The following ZMIZ2 variants were observed in gnomAD, a reference collection of about 807,000 sequenced individuals.
The protein encoded by ZMIZ2 is zinc finger MIZ-type containing 2, also known as zinc finger MIZ domain-containing protein 2.
Under a neutral mutation model 93.9 loss-of-function variants are expected in ZMIZ2, and 26 were observed. That is an observed-to-expected ratio of 0.28 (90% CI 0.20 to 0.38). The LOEUF (loss-of-function observed/expected upper bound fraction) is 0.38, where lower values mean the gene tolerates loss of function less well. Ranked by LOEUF, ZMIZ2 falls within the 10% of genes least tolerant of loss-of-function variation. The probability of loss-of-function intolerance (pLI) is 1.00; values close to 1 mark genes in which losing one functional copy is unlikely to be tolerated. For missense variants in ZMIZ2, 1,023 were observed against 1,235.0 expected (o/e 0.83, Z 2.57); for synonymous variants, 485 against 516.4 (o/e 0.94, Z 0.82).
At chr7:44,756,855 T>G in intron 3 of ZMIZ2, 92 bp from the exon 4 acceptor site, 15 of 1,353,632 alleles carry the variant, frequency 1.1e-5, no homozygotes, top group African/African-American at 1.5e-5. Context: ...CCCAACCCAC[T>G]TGCCAGGCCT....
Position 44,765,205 on chromosome 7 carries a change from A to C in ZMIZ2, c.1998-130A>C, listed in dbSNP as rs190551467. ...GGGCCCAGCGTCCTGCTCGATGTGGAAGGTGCTGGGTGGAAGCAAGCATTT... is the reference window on the plus strand; with the variant it reads ...GGGCCCAGCGTCCTGCTCGATGTGGCAGGTGCTGGGTGGAAGCAAGCATTT... On this transcript the variant is annotated intron_variant, in intron 15 of 18. Transcript: ENST00000309315. The surrounding 1 kb of genome is among the most constrained non-coding windows in gnomAD (Gnocchi z 4.1). 1.0e-4 allele frequency: 157 copies of C among 1,524,472 alleles called. 1 individual carries two copies. In the African/African-American group the frequency reaches 2.0e-3, roughly 19 times the overall value. The allele number at this position is 1,524,472 out of a possible 1,614,324, so 94.4% of individuals were successfully genotyped here.
rs756373951 is a variant in ZMIZ2, at chr7:44,761,945, G to A, written c.1596+40G>A. On this transcript the variant is annotated intron_variant, in intron 11 of 18. Transcript: ENST00000309315. This position sits in a 1 kb window ranked among gnomAD's most constrained non-coding sequence, Gnocchi z 5.8. ...CCGAGGGGGCGGTGCTGTGGCGTGG[G>A]GCGGGGTGTGGTGGGGCCTGGCCCA... The A allele has an allele frequency of 8.9e-6, 14 of 1,576,506 alleles. No homozygotes were observed. Among genetic ancestry groups the A allele is most frequent in the South Asian group, 3.4e-5 (3 of 87,700 alleles).
intron 1 of ZMIZ2, among the ~76,000 whole-genome samples, chr7:44,751,889 G>C (rs2116611449): frequency 6.6e-6 from 1 of 152,098 alleles, no homozygotes; most frequent in African/African-American, 2.4e-5. Flanking sequence ...TTGAACCTGG[G>C]AGGTGGAGGT....
intron 7 of ZMIZ2, 70 bp from the exon 8 acceptor site, chr7:44,760,081 G>A: frequency 6.4e-7 from 1 of 1,554,450 alleles, no homozygotes; most frequent in Admixed American, 1.7e-5. Flanking sequence ...TGGGCTTCTA[G>A]GGTCAGGTCC....
Position 44,766,288 on chromosome 7 carries a change from C to T in ZMIZ2, c.2367C>T (p.Ser789=), listed in dbSNP as rs760768335. Residue 789 remains serine, a synonymous_variant, in exon 17 of 19, where the codon AGC becomes AGT. Coordinates refer to ENST00000309315, the MANE Select transcript of ZMIZ2 (RefSeq NM_031449.4). The surrounding 1 kb of genome is among the most constrained non-coding windows in gnomAD (Gnocchi z 4.4). ...TCTCCTACCAGTCTGACATTCCCAG[C>T]AGCCTCCTGACTTCAGAGAAGTCTA... The part of the protein sequence containing the change: ...PPISYQSDIP[S]SLLTSEKSTA... 2 of 1,599,792 alleles carry T rather than the reference C, an allele frequency of 1.3e-6. No homozygotes were observed. The highest frequency in any genetic ancestry group is 1.7e-6 in the Non-Finnish European group (2 of 1,173,124).
chr7:44,767,755 C>G lies in ZMIZ2; in HGVS notation c.*132C>G. On this transcript the variant is annotated 3_prime_UTR_variant, in exon 19 of 19. Transcript: ENST00000309315. ...CCCCAAAACACACCTGGAGCCAGAG[C>G]CTTCTGCCGCCAGCCCTGCCCCTGA... The G allele has an allele frequency of 1.3e-6, 1 of 768,450 alleles. No individual in the cohort carries two copies. The highest frequency in any genetic ancestry group is 2.2e-6 in the Non-Finnish European group (1 of 463,036). The allele number at this position is 768,450 out of a possible 1,614,324, so 47.6% of individuals were successfully genotyped here. A position where few individuals can be genotyped will look rare whatever the true frequency, so the allele number is the denominator to read the frequency against.
At position 44,766,168 on chromosome 7, in the gene ZMIZ2, C is replaced by T. The variant is rs1388536144; in HGVS notation, c.2247C>T (p.Ser749=). Residue 749 remains serine (S), a synonymous_variant, in exon 17 of 19, where the codon TCC becomes TCT. Coordinates refer to ENST00000309315, the MANE Select transcript of ZMIZ2 (RefSeq NM_031449.4). This position sits in a 1 kb window ranked among gnomAD's most constrained non-coding sequence, Gnocchi z 4.4. ...GCCCCGACTCTCCTCTCACAGGTTCCAGCTTCCTGGGGCCTGGAACTTTCC... is the reference window on the plus strand; with the variant it reads ...GCCCCGACTCTCCTCTCACAGGTTCTAGCTTCCTGGGGCCTGGAACTTTCC... ...PAPSDYPGQG[S]SFLGPGTFPE... The T allele has an allele frequency of 6.2e-7, 1 of 1,611,388 alleles. No individual in the cohort carries two copies. Among genetic ancestry groups the T allele is most frequent in the South Asian group, 1.1e-5 (1 of 90,828 alleles).
rs1216852190 is a variant in ZMIZ2 at position 44,757,790 on chromosome 7, A to T, written c.553-58A>T. The stretch of plus-strand genomic sequence containing the variant: ...GGGTGGGTGGGCGGGTTTTATGCCT[A>T]TCTTTTGGAGCCCTTTGTGGGTGGG... On this transcript the variant is annotated intron_variant, in intron 5 of 18. Coordinates refer to ENST00000309315, the MANE Select transcript of ZMIZ2 (RefSeq NM_031449.4). The T allele has an allele frequency of 2.0e-6, 3 of 1,509,558 alleles. No homozygotes were observed. The East Asian group carries it at 6.9e-5, about 35-fold the overall frequency. The allele number at this position is 1,509,558 out of a possible 1,614,324, so 93.5% of individuals were successfully genotyped here.
intron 1 of ZMIZ2, among the ~76,000 whole-genome samples, chr7:44,752,272 C>G (rs184688209): frequency 6.6e-6 from 1 of 152,000 alleles, no homozygotes; most frequent in African/African-American, 2.4e-5. Flanking sequence ...GGATTACAGG[C>G]GCCCACCACT....
chr7:44,759,580 G>T (rs1247513333), intron 7 of ZMIZ2, 120 bp downstream of exon 7: 2 of 767,612 alleles, frequency 2.6e-6, no homozygotes, highest in Non-Finnish European at 3.4e-6. Flanking sequence ...AGCAGGATGT[G>T]TAGGTCCATG....
At position 44,761,648 on chromosome 7, in the gene ZMIZ2, C is replaced by T; in HGVS notation, c.1386-47C>T. 9 of 1,613,310 alleles carry T rather than the reference C, an allele frequency of 5.6e-6. No individual in the cohort carries two copies. The highest frequency in any genetic ancestry group is 6.8e-6 in the Non-Finnish European group (8 of 1,179,526). ...CCACGAGGCTCTGTTCCTCCTCCCA[C>T]ACTCTCAGGGCCCGTTTTCTGGGTG... On this transcript the variant is annotated intron_variant, in intron 10 of 18. Transcript: ENST00000309315. This position sits in a 1 kb window ranked among gnomAD's most constrained non-coding sequence, Gnocchi z 5.8.
Position 44,765,905 on chromosome 7 carries a change from C to T in ZMIZ2, c.2243-259C>T, listed in dbSNP as rs1252980574. ...GCCCCCCTCTGGGACCCACCTCACA[C>T]GCGTGGTGCGTTTGTTTGTGGCTGC... On this transcript the variant is annotated intron_variant, in intron 16 of 18. Transcript: ENST00000309315. The surrounding 1 kb of genome is among the most constrained non-coding windows in gnomAD (Gnocchi z 4.1). 26 of 1,396,278 alleles carry T rather than the reference C, an allele frequency of 1.9e-5. No homozygotes were observed. The Admixed American group carries it at 2.0e-4, about 10-fold the overall frequency. The allele number at this position is 1,396,278 out of a possible 1,614,324, so 86.5% of individuals were successfully genotyped here.
In ZMIZ2 at chr7:44,751,254, G is replaced by C. The variant is rs191998335; in HGVS notation, c.-63+2263G>C. Reference sequence around the variant, plus strand: ...TCTCCCCAGCTCACTGCATTTCCTAGATCTGAGGTTCTCAAACTACAGTTC... The same window carrying C: ...TCTCCCCAGCTCACTGCATTTCCTACATCTGAGGTTCTCAAACTACAGTTC... On this transcript the variant is annotated intron_variant, in intron 1 of 18. Coordinates refer to ENST00000309315, the MANE Select transcript of ZMIZ2 (RefSeq NM_031449.4). Among the ~76,000 whole-genome samples, 85 of 152,324 alleles carry C rather than the reference G, an allele frequency of 5.6e-4. No individual in the cohort carries two copies. The East Asian group carries it at 0.015, about 27-fold the overall frequency.
At chr7:44,756,828 G>A (rs1790637150) in intron 3 of ZMIZ2, 119 bp from the exon 4 acceptor site, 4 of 1,258,282 alleles carry the variant, frequency 3.2e-6, no homozygotes, top group East Asian at 2.3e-5. Context: ...GCTATACCCT[G>A]TCCCCCCCAC....
At chr7:44,749,032 G>C (rs1265892940) in intron 1 of ZMIZ2, 41 bp downstream of exon 1, 1 of 152,224 alleles carries the variant, frequency 6.6e-6, no homozygotes, top group Non-Finnish European at 1.5e-5. Flanking sequence ...AACGCCGCCA[G>C]CAGGCAGGTG....
chr7:44,756,587 C>G, intron 3 of ZMIZ2, 48 bp downstream of exon 3: 1 of 1,592,708 alleles, frequency 6.3e-7, no homozygotes, highest in Non-Finnish European at 8.6e-7. Flanking sequence ...AGCCTCCCAG[C>G]ACTTGGCAGT....
Position 44,759,330 on chromosome 7 carries a change from C to A in ZMIZ2, c.863C>A (p.Thr288Asn). Residue 288 changes from threonine to asparagine, a missense_variant, in exon 7 of 19, where the codon ACC (threonine) becomes AAC (asparagine). This residue lies in a region of ZMIZ2 where 656 missense variants were observed against 777.1 expected (regional missense o/e 0.84). Coordinates refer to ENST00000309315, the MANE Select transcript of ZMIZ2 (RefSeq NM_031449.4). ...YLQGGQYAPS[T>N]AQFAPSPGQP... is the part of the protein sequence containing the mutation. ...CAAGGAGGCCAGTATGCACCCAGCA[C>A]CGCCCAGTTTGCGCCCAGCCCTGGG... is the stretch of plus-strand genomic sequence containing the variant. 1 of 1,602,828 alleles carries A rather than the reference C, an allele frequency of 6.2e-7. No individual in the cohort carries two copies. The highest frequency in any genetic ancestry group is 1.1e-5 in the South Asian group (1 of 89,538).
In ZMIZ2 at chr7:44,767,991, T is replaced by G. The variant is rs558939897; in HGVS notation, c.*368T>G. Reference sequence around the variant, plus strand: ...CCTGCCTGCCCCCACCCAGCCTGCTTCTTGTCCAGCATTGATCCTTCTGTT... The same window carrying G: ...CCTGCCTGCCCCCACCCAGCCTGCTGCTTGTCCAGCATTGATCCTTCTGTT... On this transcript the variant is annotated 3_prime_UTR_variant, in exon 19 of 19. Transcript: ENST00000309315. The G allele has an allele frequency of 8.6e-6, 3 of 347,788 alleles. No homozygotes were observed. The highest frequency in any genetic ancestry group is 2.1e-5 in the African/African-American group (1 of 47,148). 21.5% of individuals were successfully genotyped at this position (347,788 alleles called of 1,614,324 possible). A position where few individuals can be genotyped will look rare whatever the true frequency, so the allele number is the denominator to read the frequency against.
rs766142134 is a variant in ZMIZ2 at position 44,766,575 on chromosome 7, C to A, written c.2567C>A (p.Thr856Lys). 2.5e-6 allele frequency: 4 copies of A among 1,613,760 alleles called. No homozygotes were observed. The East Asian group carries it at 6.7e-5, about 27-fold the overall frequency. ...TTGGGCCAAGCGAGCTTAGGACCTACGGGTGAACTGGCCTTCAGTCCTGCC... is the reference window on the plus strand; with the variant it reads ...TTGGGCCAAGCGAGCTTAGGACCTAAGGGTGAACTGGCCTTCAGTCCTGCC... ...QSLGQASLGP[T>K]GELAFSPATG... The change falls in exon 18 of 19, where the codon ACG (threonine) becomes AAG (lysine). Residue 856 changes from threonine (T) to lysine (K), a missense_variant. Thr to Lys is a moderately conservative substitution (Grantham distance 78). This residue lies in a region of ZMIZ2 where 319 missense variants were observed against 358.8 expected (regional missense o/e 0.89). Transcript: ENST00000309315. This position sits in a 1 kb window ranked among gnomAD's most constrained non-coding sequence, Gnocchi z 4.4.
Sources: allele counts gnomAD v4.1 joint callset (sites outside exome capture counted in the v4.1 genomes callset), GRCh38; gene constraint gnomAD v4.1.1; regional missense constraint gnomAD v4.1.1; non-coding constraint Gnocchi (gnomAD v3.1); transcripts MANE v1.5; gene names NCBI Gene and HGNC (gene_info 2026-07-23, HGNC 2026-07-21).